The following CDH7 variants were observed in gnomAD, a reference collection of about 807,000 sequenced individuals.
CDH7 encodes cadherin-7.
CDH7 carries 25 observed loss-of-function variants against 71.8 expected under a neutral mutation model. The ratio of observed to expected loss-of-function variants is 0.35; its 90% CI spans 0.25 to 0.49. The LOEUF is 0.49. Among genes scored for constraint, CDH7 ranks in the 20% least tolerant of loss-of-function variants. The pLI, the probability that CDH7 is intolerant of heterozygous loss-of-function variation, is 0.99. For missense variants in CDH7, 862 were observed against 974.6 expected, an observed-to-expected ratio of 0.88 and a Z score of 1.54; for synonymous variants, 381 against 363.8, an observed-to-expected ratio of 1.05 and a Z score of -0.54.
rs139245245 is a variant in CDH7 at position 65,765,421 on chromosome 18, T to C, written c.210+2369T>C. On this transcript the variant is annotated intron_variant, in intron 2 of 11. Transcript: ENST00000397968. ...ACAATAACTTTGACTTAAGTACGTTTTTTATTACTTGGGTAAATAGACACA... is the reference window on the plus strand; with the variant it reads ...ACAATAACTTTGACTTAAGTACGTTCTTTATTACTTGGGTAAATAGACACA... Among the ~76,000 whole-genome samples, 425 of 152,022 alleles carry C rather than the reference T, an allele frequency of 2.8e-3. 2 individuals are homozygous for C. The highest frequency in any genetic ancestry group is 9.7e-3 in the African/African-American group (404 of 41,524).
chr18:65,858,439 T>C (rs1221848078), intron 8 of CDH7, among the ~76,000 whole-genome samples: 6 of 152,006 alleles, frequency 3.9e-5, no homozygotes, highest in Non-Finnish European at 5.9e-5. Flanking sequence ...TTTTAATGTG[T>C]ATGCATTTAT....
In CDH7 at chr18:65,887,194, T is replaced by A. The variant is rs76754627; in HGVS notation, c.*6300T>A. ...TCTAATTTTGTGAGTATAAACCCTA[T>A]GTTTTTGTATATCAAGATCTGGAAT... On this transcript the variant is annotated 3_prime_UTR_variant, in exon 12 of 12. Coordinates refer to ENST00000397968, the MANE Select transcript of CDH7 (RefSeq NM_004361.5). The A allele has an allele frequency of 1.3e-5, 2 of 152,170 alleles. No individual in the cohort carries two copies. The highest frequency in any genetic ancestry group is 1.9e-4 in the East Asian group (1 of 5,190). 9.4% of individuals were successfully genotyped at this position (152,170 alleles called of 1,614,324 possible). A position where few individuals can be genotyped will look rare whatever the true frequency, so the allele number is the denominator to read the frequency against.
chr18:65,890,171 T>G lies in CDH7; in HGVS notation c.*9277T>G, dbSNP rs1240378308. ...GAAGCTTTACCGACTTTGTACGACT[T>G]GGTTTAATTTATTCAGCTTAATGGT... is the stretch of plus-strand genomic sequence containing the variant. On this transcript the variant is annotated 3_prime_UTR_variant, in exon 12 of 12. Transcript: ENST00000397968. 1 of 152,206 alleles carries G rather than the reference T, an allele frequency of 6.6e-6. No individual in the cohort carries two copies. The highest frequency in any genetic ancestry group is 1.5e-5 in the Non-Finnish European group (1 of 68,038). The allele number at this position is 152,206 out of a possible 1,614,324, so 9.4% of individuals were successfully genotyped here. A position where few individuals can be genotyped will look rare whatever the true frequency, so the allele number is the denominator to read the frequency against.
At chr18:65,864,522 AACTT>A (rs775383606) in intron 11 of CDH7, among the ~76,000 whole-genome samples, 1 of 151,948 alleles carries the variant, frequency 6.6e-6, no homozygotes, top group Non-Finnish European at 1.5e-5. Flanking sequence ...TGGAATCTAA[AACTT>A]AATAAAAAAG....
chr18:65,767,384 A>G (rs1290366628), intron 2 of CDH7, among the ~76,000 whole-genome samples: 2 of 152,294 alleles, frequency 1.3e-5, no homozygotes, highest in East Asian at 1.9e-4. Context: ...TAAAAACTTG[A>G]GTTACAAATT....
At position 65,781,811 on chromosome 18, in the gene CDH7, CTTCCTTCCTTCTTTCTTTCTTTCT is replaced by C. The variant is rs1347297924; in HGVS notation, c.210+18763_210+18786del. On this transcript the variant is annotated intron_variant, in intron 2 of 11. Transcript: ENST00000397968. ...CCTTCCTTCCTTCCTTCCTTCCTTCCTTCCTTCCTTCTTTCTTTCTTTCTTTCTTTCTTTCTTTCTTTCTTTCTT... is the reference window on the plus strand; with the variant it reads ...CCTTCCTTCCTTCCTTCCTTCCTTCCTTCTTTCTTTCTTTCTTTCTTTCTT... 1.6e-3 allele frequency among the ~76,000 whole-genome samples: 103 copies of C among 64,048 alleles called. 9 individuals are homozygous for C. Among genetic ancestry groups the C allele is most frequent in the African/African-American group, 9.4e-3 (98 of 10,386 alleles). 42.0% of individuals were successfully genotyped at this position (64,048 alleles called of 152,430 possible).
chr18:65,762,459 A>G (rs1916218825), intron 1 of CDH7, among the ~76,000 whole-genome samples, 188 bp from the exon 2 acceptor site: 1 of 152,180 alleles, frequency 6.6e-6, no homozygotes, highest in Non-Finnish European at 1.5e-5. Context: ...TGTAATTCAC[A>G]AATATATCAA....
chr18:65,799,354 C>T (rs1047049773), intron 2 of CDH7, among the ~76,000 whole-genome samples: 1 of 152,012 alleles, frequency 6.6e-6, no homozygotes, highest in Admixed American at 6.6e-5. Flanking sequence ...CATACATCAA[C>T]CCCCAGTGAG....
chr18:65,878,119 T>C (rs1914123039), intron 11 of CDH7, among the ~76,000 whole-genome samples: 2 of 152,174 alleles, frequency 1.3e-5, no homozygotes, highest in South Asian at 4.1e-4. Flanking sequence ...TTGTGAGTGT[T>C]AAATAATATG....
intron 1 of CDH7, among the ~76,000 whole-genome samples, chr18:65,754,171 C>A (rs1400242169): frequency 1.3e-5 from 2 of 152,144 alleles, no homozygotes; most frequent in Non-Finnish European, 2.9e-5. Flanking sequence ...TAATTATAAA[C>A]TCTTGTTTCC....
chr18:65,778,753 C>A, intron 2 of CDH7, among the ~76,000 whole-genome samples: 1 of 150,310 alleles, frequency 6.7e-6, no homozygotes, highest in Non-Finnish European at 1.5e-5. Flanking sequence ...GATTCAGGGT[C>A]TTTAAAAGCT....
intron 1 of CDH7, among the ~76,000 whole-genome samples, chr18:65,753,181 T>C (rs1205639709): frequency 6.6e-6 from 1 of 152,226 alleles, no homozygotes; most frequent in Non-Finnish European, 1.5e-5. Context: ...CTAGTGTCTT[T>C]ACTGGTTTCC....
intron 1 of CDH7, among the ~76,000 whole-genome samples, chr18:65,757,915 T>C (rs988776357): frequency 6.6e-6 from 1 of 152,078 alleles, no homozygotes; most frequent in Non-Finnish European, 1.5e-5. Flanking sequence ...CTCCTGTATA[T>C]GAAACTCAGA....
chr18:65,756,350 T>C (rs534267059), intron 1 of CDH7, among the ~76,000 whole-genome samples: 9 of 152,300 alleles, frequency 5.9e-5, no homozygotes, highest in African/African-American at 1.7e-4. Context: ...CCATTATGGA[T>C]TTTTCTGATT....
intron 2 of CDH7, among the ~76,000 whole-genome samples, chr18:65,794,175 T>TTG (rs987976786): frequency 1.3e-4 from 19 of 151,736 alleles, no homozygotes; most frequent in Admixed American, 1.3e-4. Context: ...TACACAGTTT[T>TTG]TTTTTCTTTT....
chr18:65,870,905 C>T (rs1472334135), intron 11 of CDH7, among the ~76,000 whole-genome samples: 2 of 152,166 alleles, frequency 1.3e-5, no homozygotes, highest in African/African-American at 4.8e-5. Flanking sequence ...CTGTCAAAGG[C>T]ACATATAGAG....
intron 4 of CDH7, among the ~76,000 whole-genome samples, chr18:65,819,916 G>C (rs1486389321): frequency 6.6e-6 from 1 of 150,404 alleles, no homozygotes; most frequent in Non-Finnish European, 1.5e-5. Flanking sequence ...TGAATATGCA[G>C]AACCCGTGTT....
intron 2 of CDH7, among the ~76,000 whole-genome samples, chr18:65,776,701 T>C (rs1909958333): frequency 6.6e-6 from 1 of 152,158 alleles, no homozygotes. Flanking sequence ...GAAGTTTGGC[T>C]CCAACCTATC....
intron 2 of CDH7, among the ~76,000 whole-genome samples, chr18:65,805,579 G>C (rs1230445856): frequency 2.0e-5 from 3 of 152,206 alleles, no homozygotes; most frequent in African/African-American, 7.2e-5. Context: ...AACTTCAAAA[G>C]AGTTGAATTC....
Sources: gnomAD v4.1 joint callset for allele counts (sites outside exome capture counted in the v4.1 genomes callset) on GRCh38, gnomAD v4.1.1 for gene constraint, MANE v1.5 for transcripts, NCBI Gene and HGNC (gene_info 2026-07-23, HGNC 2026-07-21) for gene names.